INTS1: variants seen among roughly 807,000 people sequenced by gnomAD.
The protein encoded by INTS1 is integrator complex subunit 1.
A neutral mutation model predicts 241.6 loss-of-function variants in INTS1; 137 were observed. The observed-to-expected ratio is 0.57, with a 90% CI of 0.49 to 0.65. INTS1 has a LOEUF of 0.65. Among genes scored for constraint, INTS1 ranks in the 30% least tolerant of loss-of-function variants. INTS1 has a pLI of 0.00. For missense variants in INTS1, 3,073 were observed against 3,032.2 expected (o/e 1.01, Z -0.32); for synonymous variants, 1,692 against 1,337.8 (o/e 1.26, Z -5.78).
At chr7:1,475,410 T>C (rs1170422262) in intron 39 of INTS1, among the ~76,000 whole-genome samples, 1 of 151,908 alleles carries the variant, frequency 6.6e-6, no homozygotes, top group Non-Finnish European at 1.5e-5. Context: ...GCACATCAAG[T>C]GTGATTTCAA....
rs202096787 is a variant in INTS1 at position 1,489,377 on chromosome 7, G to T, written c.2285C>A (p.Thr762Asn). Residue 762 changes from threonine (T) to asparagine (N), a missense_variant, in exon 18 of 48, where the codon ACC becomes AAC. Thr to Asn is a moderately conservative substitution (Grantham distance 65, BLOSUM62 0). Coordinates refer to ENST00000404767, the MANE Select transcript of INTS1 (RefSeq NM_001080453.3). ...CACCATCTCCATGAGCATCTTCAGG[G>T]TCGGGTACTCCTCCCACGCAGCCAG... ...IGLAAWEEYP[T>N]LKMLMEMVMT... is the part of the protein sequence containing the mutation. 1.2e-4 allele frequency: 197 copies of T among 1,609,408 alleles called. No homozygotes were observed. The highest frequency in any genetic ancestry group is 1.5e-4 in the Non-Finnish European group (180 of 1,178,608).
chr7:1,485,132 A>G lies in INTS1; in HGVS notation c.3227T>C (p.Val1076Ala), dbSNP rs1444124495. The G allele has an allele frequency of 6.2e-7, 1 of 1,600,678 alleles. No individual in the cohort carries two copies. The highest frequency in any genetic ancestry group is 8.5e-7 in the Non-Finnish European group (1 of 1,179,376). ...GTCGCTGTGCTGGGCCTGCTCCTCCACAGGCGTGTGCTGGGACAAGTAGAT... is the reference window on the plus strand; with the variant it reads ...GTCGCTGTGCTGGGCCTGCTCCTCCGCAGGCGTGTGCTGGGACAAGTAGAT... ...YLIYLSQHTP[V>A]EEQAQHSDLA... Residue 1076 changes from valine (V) to alanine (A), a missense_variant, in exon 24 of 48, where the codon GTG becomes GCG. Coordinates refer to ENST00000404767, the MANE Select transcript of INTS1 (RefSeq NM_001080453.3).
intron 46 of INTS1, 36 bp downstream of exon 46, chr7:1,471,097 C>T (rs781654674): frequency 8.4e-6 from 13 of 1,541,042 alleles, no homozygotes; most frequent in East Asian, 2.5e-5. Flanking sequence ...CAGGGCCCAG[C>T]GGTGGCGGCG....
chr7:1,491,339 T>A (rs1351134306), intron 16 of INTS1, among the ~76,000 whole-genome samples: 1 of 152,062 alleles, frequency 6.6e-6, no homozygotes, highest in Non-Finnish European at 1.5e-5. Context: ...GAGAACCTCA[T>A]CAGGGAAAGA....
At chr7:1,480,735 G>T in intron 29 of INTS1, 100 bp downstream of exon 29, 1 of 960,578 alleles carries the variant, frequency 1.0e-6, no homozygotes, top group Non-Finnish European at 1.6e-6. Flanking sequence ...TGCCCTGTGT[G>T]GCTGTGCAGG....
At chr7:1,501,948 G>A (rs188381237) in intron 3 of INTS1, among the ~76,000 whole-genome samples, 9 of 152,136 alleles carry the variant, frequency 5.9e-5, no homozygotes, top group Middle Eastern at 6.8e-3. Context: ...CGGTTTCATC[G>A]CCTGTGCTTC....
At position 1,476,728 on chromosome 7, in the gene INTS1, C is replaced by A. The variant is rs888218104; in HGVS notation, c.5063+66G>T. ...CATGGGAGATACCAGTCAGAGCCGGCGCTGGGAGATTTCTGGTGAAGGCCA... is the reference window on the plus strand; with the variant it reads ...CATGGGAGATACCAGTCAGAGCCGGAGCTGGGAGATTTCTGGTGAAGGCCA... On this transcript the variant is annotated intron_variant, in intron 36 of 47. Coordinates refer to ENST00000404767, the MANE Select transcript of INTS1 (RefSeq NM_001080453.3). 3.0e-5 allele frequency: 48 copies of A among 1,611,822 alleles called. 1 individual carries two copies. In the South Asian group the frequency reaches 4.9e-4, roughly 17 times the overall value.
intron 26 of INTS1, 194 bp downstream of exon 26, chr7:1,483,548 C>T (rs1782096777): frequency 8.0e-6 from 5 of 628,872 alleles, no homozygotes; most frequent in South Asian, 5.3e-5. Flanking sequence ...ATCTCCCACA[C>T]GTCCACCAAG....
chr7:1,503,814 C>T (rs1470256758), intron 2 of INTS1, 89 bp downstream of exon 2: 4 of 971,420 alleles, frequency 4.1e-6, no homozygotes, highest in Non-Finnish European at 6.2e-6. Flanking sequence ...CAACCAAGCC[C>T]AACGCAGGAT....
Position 1,479,626 on chromosome 7 carries a change from A to C in INTS1, c.4133T>G (p.Leu1378Arg). 1 of 1,523,002 alleles carries C rather than the reference A, an allele frequency of 6.6e-7. No homozygotes were observed. Among genetic ancestry groups the C allele is most frequent in the Non-Finnish European group, 8.8e-7 (1 of 1,131,972 alleles). 94.3% of individuals were successfully genotyped at this position (1,523,002 alleles called of 1,614,324 possible). A position where few individuals can be genotyped will look rare whatever the true frequency, so the allele number is the denominator to read the frequency against. ...CTGGCCCAGGGCCTGCTGCAGGGCG[A>C]GGGCCACGGGGCGGGGACTGGAGCT... ...WQSSSPRPVALALQQALGQEL... is the reference protein window; with the variant it reads ...WQSSSPRPVARALQQALGQEL... The change falls in exon 31 of 48, where the codon CTC becomes CGC. Residue 1378 changes from leucine (L) to arginine (R), a missense_variant. Coordinates refer to ENST00000404767, the MANE Select transcript of INTS1 (RefSeq NM_001080453.3).
In INTS1 at chr7:1,470,874, G is replaced by A; in HGVS notation, c.6429C>T (p.Asn2143=). The A allele has an allele frequency of 6.3e-7, 1 of 1,594,362 alleles. No homozygotes were observed. The highest frequency in any genetic ancestry group is 8.5e-7 in the Non-Finnish European group (1 of 1,171,354). ...DFEVVQTALR[N]LPEYALLCQE... ...GGCACAGGAGAGCGTACTCAGGCAGGTTCCGGAGGGCCGTCTGCACCACCT... is the reference window on the plus strand; with the variant it reads ...GGCACAGGAGAGCGTACTCAGGCAGATTCCGGAGGGCCGTCTGCACCACCT... Residue 2143 remains asparagine (N), a synonymous_variant, in exon 47 of 48, where the codon AAC becomes AAT. Coordinates refer to ENST00000404767, the MANE Select transcript of INTS1 (RefSeq NM_001080453.3).
intron 39 of INTS1, among the ~76,000 whole-genome samples, chr7:1,475,523 C>T (rs1232112472): frequency 1.3e-5 from 2 of 152,140 alleles, no homozygotes; most frequent in Admixed American, 1.3e-4. Context: ...CAGGTTCCGG[C>T]CTGCGGTGGG....
In INTS1 at chr7:1,474,768, C is replaced by A; in HGVS notation, c.5573G>T (p.Arg1858Leu). Residue 1858 changes from arginine (R) to leucine (L), a missense_variant, in exon 40 of 48, where the codon CGA becomes CTA. By Grantham distance (102) the Arg-to-Leu change is moderately radical (BLOSUM62 -2). Coordinates refer to ENST00000404767, the MANE Select transcript of INTS1 (RefSeq NM_001080453.3). ...GCAGGCCATGCTGGCATCCGCCCCT[C>A]GGTTCTCCAACGCCCGGGAGTCGCT... is the stretch of plus-strand genomic sequence containing the variant. Reference protein sequence around the residue: ...DTSDSRALENRGADASMACRK... With the variant: ...DTSDSRALENLGADASMACRK... 1.9e-6 allele frequency: 3 copies of A among 1,573,846 alleles called. No homozygotes were observed. The highest frequency in any genetic ancestry group is 1.3e-5 in the African/African-American group (1 of 74,140).
At chr7:1,487,292 C>T (rs756679460) in intron 20 of INTS1, 28 bp downstream of exon 20, 13 of 1,567,934 alleles carry the variant, frequency 8.3e-6, no homozygotes, top group Non-Finnish European at 1.1e-5. Context: ...AGACCACCAT[C>T]TCTACCTCCT....
chr7:1,477,793 C>T lies in INTS1; in HGVS notation c.4774G>A (p.Glu1592Lys). ...VVSSLLLQEEEPLAGGKPGAD... is the reference protein window; with the variant it reads ...VVSSLLLQEEKPLAGGKPGAD... ...CCCGGCTTCCCCCCAGCCAGGGGCT[C>T]CTCCTCCTGCAGCAGCAGGGAGCTC... Residue 1592 changes from glutamate (E) to lysine (K), a missense_variant, in exon 34 of 48, where the codon GAG (glutamate) becomes AAG (lysine). Coordinates refer to ENST00000404767, the MANE Select transcript of INTS1 (RefSeq NM_001080453.3). 1.9e-6 allele frequency: 3 copies of T among 1,612,536 alleles called. No homozygotes were observed. The highest frequency in any genetic ancestry group is 2.5e-6 in the Non-Finnish European group (3 of 1,179,818).
chr7:1,488,195 C>T (rs941480318), intron 18 of INTS1, among the ~76,000 whole-genome samples: 1 of 152,186 alleles, frequency 6.6e-6, no homozygotes, highest in African/African-American at 2.4e-5. Flanking sequence ...AGGCAGCACG[C>T]CTGCCCTCAC....
chr7:1,479,212 G>A (rs1448399047), intron 31 of INTS1, among the ~76,000 whole-genome samples: 1 of 152,246 alleles, frequency 6.6e-6, no homozygotes, highest in Non-Finnish European at 1.5e-5. Flanking sequence ...CCTGGGTGGT[G>A]CAAACAGGCG....
intron 39 of INTS1, among the ~76,000 whole-genome samples, chr7:1,475,516 G>T (rs1215581812): frequency 6.6e-6 from 1 of 152,126 alleles, no homozygotes; most frequent in Non-Finnish European, 1.5e-5. Flanking sequence ...CAGGCTGCAG[G>T]TTCCGGCCTG....
At chr7:1,491,024 C>A (rs1782522282) in intron 16 of INTS1, among the ~76,000 whole-genome samples, 1 of 152,368 alleles carries the variant, frequency 6.6e-6, no homozygotes, top group Non-Finnish European at 1.5e-5. Context: ...AGTGCTGCGA[C>A]AACCAGAACC....
Sources: gnomAD v4.1 joint callset for allele counts (sites outside exome capture counted in the v4.1 genomes callset) on GRCh38, gnomAD v4.1.1 for gene constraint, MANE v1.5 for transcripts, NCBI Gene and HGNC (gene_info 2026-07-23, HGNC 2026-07-21) for gene names.